Variants in ARHGEF6 observed in about 807,000 individuals in gnomAD.
ARHGEF6 encodes the protein Rac/Cdc42 guanine nucleotide exchange factor 6, also known as rho guanine nucleotide exchange factor 6.
Under a neutral mutation model 70.3 loss-of-function variants are expected in ARHGEF6, and 9 were observed. The observed-to-expected ratio is 0.13, with a 90% CI of 0.08 to 0.22. The LOEUF is 0.22. ARHGEF6 is among the 10% of genes least tolerant of loss of function. The pLI, the probability that ARHGEF6 is intolerant of heterozygous loss-of-function variation, is 1.00. For missense variants in ARHGEF6, 470 were observed against 563.0 expected, an observed-to-expected ratio of 0.83 and a Z score of 1.67; for synonymous variants, 201 against 207.8, an observed-to-expected ratio of 0.97 and a Z score of 0.28.
At chrX:136,758,934 A>G (rs1012431996) in intron 2 of ARHGEF6, among the ~76,000 whole-genome samples, 2 of 111,879 alleles carry the variant, frequency 1.8e-5, no homozygotes, top group East Asian at 5.6e-4. Context: ...AATAAAAAGA[A>G]CCCTATATAA....
At chrX:136,716,071 G>A (rs903562547) in intron 6 of ARHGEF6, among the ~76,000 whole-genome samples, 2 of 112,339 alleles carry the variant, frequency 1.8e-5, no homozygotes, top group African/African-American at 6.5e-5. Flanking sequence ...CTCCCTAGTA[G>A]CTGGGATTAC....
intron 2 of ARHGEF6, among the ~76,000 whole-genome samples, chrX:136,758,031 C>CTTTTTTT (rs1164537601): frequency 0.02 from 280 of 14,033 alleles, 111 homozygotes; most frequent in East Asian, 0.04. Flanking sequence ...AAAATAAATT[C>CTTTTTTT]TTTTTTTTTT....
intron 6 of ARHGEF6, among the ~76,000 whole-genome samples, chrX:136,728,202 A>G (rs1428995851): frequency 1.8e-5 from 2 of 111,998 alleles, no homozygotes; most frequent in African/African-American, 6.5e-5. Flanking sequence ...CAATTAAGGA[A>G]CCAAGGTCAG....
chrX:136,752,481 C>G (rs1262099525), intron 2 of ARHGEF6, among the ~76,000 whole-genome samples: 3 of 112,255 alleles, frequency 2.7e-5, no homozygotes, highest in Non-Finnish European at 5.6e-5. Flanking sequence ...GCAATGACAC[C>G]TAGCCTCCTG....
chrX:136,759,865 A>T (rs1158883908), intron 2 of ARHGEF6, among the ~76,000 whole-genome samples: 1 of 112,198 alleles, frequency 8.9e-6, no homozygotes, highest in Non-Finnish European at 1.9e-5. Flanking sequence ...GAAAGTATAA[A>T]GCTTGGATTT....
intron 5 of ARHGEF6, among the ~76,000 whole-genome samples, chrX:136,738,327 G>A (rs1462984017): frequency 9.0e-6 from 1 of 111,253 alleles, no homozygotes; most frequent in East Asian, 2.8e-4. Flanking sequence ...ATCATCTTCA[G>A]TACCAATCAC....
intron 6 of ARHGEF6, among the ~76,000 whole-genome samples, chrX:136,721,733 T>A (rs998822714): frequency 1.8e-5 from 2 of 111,215 alleles, no homozygotes; most frequent in Admixed American, 9.5e-5. Context: ...AAAAAGTTGA[T>A]CTCATAGAAC....
Position 136,722,564 on chromosome X carries a change from T to C in ARHGEF6, c.733-9194A>G, listed in dbSNP as rs1187925083. ...TGGCCAATAAGCATACCCAACATCATTAACTATTAGGAAAATGCTAATCAA... is the reference window on the plus strand; with the variant it reads ...TGGCCAATAAGCATACCCAACATCACTAACTATTAGGAAAATGCTAATCAA... On this transcript the variant is annotated intron_variant, in intron 6 of 21. Coordinates refer to ENST00000250617, the MANE Select transcript of ARHGEF6 (RefSeq NM_004840.3). Among the ~76,000 whole-genome samples the C allele has an allele frequency of 1.8e-5, 2 of 111,911 alleles. 1 individual carries two copies. Among genetic ancestry groups the C allele is most frequent in the Non-Finnish European group, 3.8e-5 (2 of 53,137 alleles).
At chrX:136,753,218 A>G (rs960464026) in intron 2 of ARHGEF6, among the ~76,000 whole-genome samples, 8 of 112,220 alleles carry the variant, frequency 7.1e-5, no homozygotes, top group Admixed American at 4.7e-4. Context: ...AAGGGAGCAA[A>G]TCTTGCTCTC....
At chrX:136,695,933 T>A (rs990614895) in intron 9 of ARHGEF6, among the ~76,000 whole-genome samples, 2 of 111,973 alleles carry the variant, frequency 1.8e-5, no homozygotes, top group African/African-American at 6.5e-5. Context: ...ATGCTTGAAA[T>A]ATTTTATACT....
At chrX:136,742,298 G>A (rs2077051806) in intron 5 of ARHGEF6, among the ~76,000 whole-genome samples, 2 of 111,141 alleles carry the variant, frequency 1.8e-5, no homozygotes, top group Non-Finnish European at 3.8e-5. Context: ...CAGCCTGGGT[G>A]ACAGAGCAAG....
intron 19 of ARHGEF6, among the ~76,000 whole-genome samples, chrX:136,673,230 G>T (rs1351960858): frequency 1.8e-5 from 2 of 112,029 alleles, no homozygotes; most frequent in East Asian, 5.6e-4. Flanking sequence ...AGGGACTTGA[G>T]CATCGTCAGA....
chrX:136,690,850 A>G, intron 9 of ARHGEF6, 102 bp from the exon 10 acceptor site: 2 of 971,476 alleles, frequency 2.1e-6, no homozygotes, highest in Middle Eastern at 2.7e-4. Flanking sequence ...ATAAAGCCAA[A>G]TAAAAATGTG....
chrX:136,688,123 A>G (rs1477359428), intron 10 of ARHGEF6, 132 bp from the exon 11 acceptor site: 2 of 517,659 alleles, frequency 3.9e-6, no homozygotes, highest in South Asian at 2.7e-5. Context: ...ACTGTTCTGT[A>G]TTTTAATTGT....
intron 2 of ARHGEF6, among the ~76,000 whole-genome samples, chrX:136,761,347 C>T (rs1219787166): frequency 8.9e-6 from 1 of 112,043 alleles, no homozygotes; most frequent in Non-Finnish European, 1.9e-5. Context: ...GTTAAAAGTT[C>T]CAATCTCTGT....
intron 2 of ARHGEF6, among the ~76,000 whole-genome samples, chrX:136,755,880 G>A (rs182100812): frequency 2.0e-4 from 22 of 111,491 alleles, no homozygotes; most frequent in African/African-American, 7.2e-4. Flanking sequence ...CAACATACAC[G>A]AAATACTTGA....
chrX:136,716,310 C>A (rs1446121371), intron 6 of ARHGEF6, among the ~76,000 whole-genome samples: 1 of 112,142 alleles, frequency 8.9e-6, no homozygotes, highest in Non-Finnish European at 1.9e-5. Flanking sequence ...CAACTCCAGC[C>A]AGCTCTAGCC....
chrX:136,764,323 G>A (rs770381597), intron 2 of ARHGEF6, among the ~76,000 whole-genome samples: 8 of 111,902 alleles, frequency 7.1e-5, no homozygotes, highest in South Asian at 7.4e-4. Context: ...AGACACTCAC[G>A]AGGATCTTCA....
At chrX:136,727,331 TTCTTTC>T (rs1569410799) in intron 6 of ARHGEF6, among the ~76,000 whole-genome samples, 1,177 of 45,403 alleles carry the variant, frequency 0.026, 34 homozygotes, top group African/African-American at 0.07. Flanking sequence ...TTCTTTTTCT[TTCTTTC>T]TTTCTTTCTT....
Sources: allele counts gnomAD v4.1 joint callset (sites outside exome capture counted in the v4.1 genomes callset), GRCh38; gene constraint gnomAD v4.1.1; transcripts MANE v1.5; gene names NCBI Gene and HGNC (gene_info 2026-07-23, HGNC 2026-07-21).